Variants in C8orf34 observed in about 807,000 individuals in gnomAD.
C8orf34 encodes uncharacterized protein C8orf34.
Under a neutral mutation model 68.3 loss-of-function variants are expected in C8orf34, and 65 were observed. The observed-to-expected ratio is 0.95, with a 90% confidence interval of 0.78 to 1.17. The LOEUF is 1.17. Among genes scored for constraint, C8orf34 ranks in the 50% most tolerant of loss-of-function variants. The pLI, the probability that C8orf34 is intolerant of heterozygous loss-of-function variation, is 0.00. For synonymous variants in C8orf34, 244 were observed against 241.2 expected, an observed-to-expected ratio of 1.01 and a Z score of -0.11; for missense variants, 664 against 655.4, an observed-to-expected ratio of 1.01 and a Z score of -0.14.
intron 5 of C8orf34, among the ~76,000 whole-genome samples, chr8:68,494,896 C>A (rs28544398): frequency 3.3e-5 from 5 of 150,402 alleles, no homozygotes; most frequent in Non-Finnish European, 7.4e-5. Context: ...AAATATATAT[C>A]TCTCTCAAAA....
At chr8:68,785,269 T>C (rs946493230) in intron 11 of C8orf34, among the ~76,000 whole-genome samples, 5 of 152,082 alleles carry the variant, frequency 3.3e-5, no homozygotes, top group African/African-American at 1.2e-4. Flanking sequence ...TAGCCATCTG[T>C]ATATATAGTA....
intron 10 of C8orf34, among the ~76,000 whole-genome samples, chr8:68,761,076 C>T (rs952073432): frequency 3.9e-5 from 6 of 152,166 alleles, no homozygotes; most frequent in Admixed American, 3.3e-4. Context: ...ATTTCCTTAC[C>T]TTGATTCAGA....
chr8:68,815,863 T>C (rs756837984), intron 12 of C8orf34, 23 bp from the exon 13 acceptor site: 33 of 1,613,652 alleles, frequency 2.0e-5, no homozygotes, highest in Non-Finnish European at 2.6e-5. Context: ...TGGCATATTA[T>C]CTCTGTTTCT....
intron 10 of C8orf34, among the ~76,000 whole-genome samples, chr8:68,753,725 C>A (rs77234377): frequency 6.6e-6 from 1 of 152,300 alleles, no homozygotes; most frequent in Non-Finnish European, 1.5e-5. Context: ...GAGATAGGCC[C>A]TGTCCTACAA....
intron 7 of C8orf34, among the ~76,000 whole-genome samples, chr8:68,585,024 A>G (rs1226181252): frequency 1.3e-5 from 2 of 152,136 alleles, no homozygotes; most frequent in African/African-American, 4.8e-5. Flanking sequence ...GGGCTTGGGG[A>G]AATTGCTTGT....
At chr8:68,660,852 T>A (rs1192148894) in intron 8 of C8orf34, among the ~76,000 whole-genome samples, 1 of 150,784 alleles carries the variant, frequency 6.6e-6, no homozygotes, top group Non-Finnish European at 1.5e-5. Flanking sequence ...ATAGAAAAAT[T>A]CCCTGTATTC....
chr8:68,615,804 T>A (rs1818190814), intron 7 of C8orf34, among the ~76,000 whole-genome samples: 1 of 152,158 alleles, frequency 6.6e-6, no homozygotes, highest in Non-Finnish European at 1.5e-5. Context: ...GCTGGCCTCA[T>A]AAAATGAGTT....
At chr8:68,337,343 A>G (rs906817771) in intron 1 of C8orf34, among the ~76,000 whole-genome samples, 2 of 152,226 alleles carry the variant, frequency 1.3e-5, no homozygotes, top group Non-Finnish European at 2.9e-5. Flanking sequence ...CCTGACAATC[A>G]TGTATAACCT....
In C8orf34 at chr8:68,667,100, A is replaced by AT. The variant is rs535965780; in HGVS notation, c.1241+26597dup. 7.3e-4 allele frequency among the ~76,000 whole-genome samples: 111 copies of AT among 152,022 alleles called. 1 individual carries two copies. The highest frequency in any genetic ancestry group is 2.0e-3 in the African/African-American group (82 of 41,470). ...ACCTTCTACAGCCAAAATTTGATTA[A>AT]TTTTTTTTGCAAATAAAGAAAATTA... On this transcript the variant is annotated intron_variant, in intron 8 of 13. Coordinates refer to ENST00000518698, the MANE Select transcript of C8orf34 (RefSeq NM_052958.4).
intron 1 of C8orf34, among the ~76,000 whole-genome samples, chr8:68,425,724 G>A (rs1165293119): frequency 7.5e-6 from 1 of 133,622 alleles, no homozygotes; most frequent in Non-Finnish European, 1.7e-5. Flanking sequence ...AAACAGTTTT[G>A]GAAGGAAAAA....
chr8:68,742,450 A>G (rs1298697275), intron 10 of C8orf34, among the ~76,000 whole-genome samples: 1 of 152,212 alleles, frequency 6.6e-6, no homozygotes, highest in African/African-American at 2.4e-5. Flanking sequence ...GCCTGTATTC[A>G]TCTGTGTAAG....
At chr8:68,715,547 G>A (rs1821447098) in intron 9 of C8orf34, among the ~76,000 whole-genome samples, 5 of 151,944 alleles carry the variant, frequency 3.3e-5, no homozygotes, top group Admixed American at 3.3e-4. Flanking sequence ...AATGATCAGG[G>A]AAATGCAAAT....
At chr8:68,611,613 A>T (rs999816126) in intron 7 of C8orf34, among the ~76,000 whole-genome samples, 4 of 152,200 alleles carry the variant, frequency 2.6e-5, no homozygotes, top group African/African-American at 9.6e-5. Flanking sequence ...AAGCTGAAAG[A>T]TTATGCTCTT....
At chr8:68,792,796 G>A (rs539461021) in intron 12 of C8orf34, among the ~76,000 whole-genome samples, 9 of 151,820 alleles carry the variant, frequency 5.9e-5, no homozygotes, top group South Asian at 2.1e-4. Context: ...AAAATAGAAA[G>A]TTTGCCAGAA....
chr8:68,815,797 C>T, intron 12 of C8orf34, 89 bp from the exon 13 acceptor site: 1 of 1,606,054 alleles, frequency 6.2e-7, no homozygotes, highest in South Asian at 1.1e-5. Context: ...TTAATCTTCA[C>T]TAGAAATTGG....
At chr8:68,492,900 T>C (rs1169303261) in intron 5 of C8orf34, among the ~76,000 whole-genome samples, 2 of 152,108 alleles carry the variant, frequency 1.3e-5, no homozygotes, top group African/African-American at 2.4e-5. Context: ...AGGCTTTGGA[T>C]TGAATGTCGG....
chr8:68,565,709 T>C (rs1434920), intron 7 of C8orf34, among the ~76,000 whole-genome samples: 28,774 of 152,092 alleles, frequency 0.19, 3,274 homozygotes, highest in African/African-American at 0.32. Context: ...GGTATTACAT[T>C]ATATGATCTG....
chr8:68,609,933 A>C (rs1817967168), intron 7 of C8orf34, among the ~76,000 whole-genome samples: 1 of 152,174 alleles, frequency 6.6e-6, no homozygotes, highest in Non-Finnish European at 1.5e-5. Flanking sequence ...GACGTGGAAC[A>C]GAAGGGAGTT....
chr8:68,500,081 T>G (rs1055990312), intron 5 of C8orf34, among the ~76,000 whole-genome samples: 2 of 152,196 alleles, frequency 1.3e-5, no homozygotes, highest in African/African-American at 4.8e-5. Flanking sequence ...TCCTGAAGAC[T>G]TCACCAGAAG....
Sources: gnomAD v4.1 joint callset for allele counts (sites outside exome capture counted in the v4.1 genomes callset) on GRCh38, gnomAD v4.1.1 for gene constraint, MANE v1.5 for transcripts, NCBI Gene and HGNC (gene_info 2026-07-23, HGNC 2026-07-21) for gene names.